SPOCK3: variants seen among roughly 807,000 people sequenced by gnomAD.
The protein encoded by SPOCK3 is SPARC (osteonectin), cwcv and kazal like domains proteoglycan 3, also known as testican-3.
SPOCK3 carries 30 observed loss-of-function variants against 56.6 expected under a neutral mutation model. The observed-to-expected ratio is 0.53, with a 90% CI of 0.40 to 0.72. The LOEUF (loss-of-function observed/expected upper bound fraction) is 0.72, where lower values mean the gene tolerates loss of function less well. Ranked by LOEUF, SPOCK3 falls within the 30% of genes least tolerant of loss-of-function variation. The pLI, the probability that SPOCK3 is intolerant of heterozygous loss-of-function variation, is 0.00. For missense variants in SPOCK3, 527 were observed against 530.0 expected (o/e 0.99, Z 0.06); for synonymous variants, 196 against 183.3 (o/e 1.07, Z -0.56).
At chr4:167,063,801 C>T (rs1051140873) in intron 2 of SPOCK3, among the ~76,000 whole-genome samples, 5 of 151,940 alleles carry the variant, frequency 3.3e-5, no homozygotes, top group Middle Eastern at 3.4e-3. Flanking sequence ...TGAGTTGTTT[C>T]ACTTAAAATA....
intron 2 of SPOCK3, among the ~76,000 whole-genome samples, chr4:167,231,153 C>T: frequency 6.6e-6 from 1 of 151,846 alleles, no homozygotes; most frequent in South Asian, 2.1e-4. Context: ...TAAAGAGTAA[C>T]ATTTATTTTT....
chr4:167,172,147 C>T (rs1402519285), intron 2 of SPOCK3, among the ~76,000 whole-genome samples: 1 of 152,168 alleles, frequency 6.6e-6, no homozygotes, highest in Non-Finnish European at 1.5e-5. Flanking sequence ...AGACAGGCAC[C>T]AAGAGACTGA....
chr4:167,173,420 A>G (rs1730680493), intron 2 of SPOCK3, among the ~76,000 whole-genome samples: 1 of 151,958 alleles, frequency 6.6e-6, no homozygotes, highest in South Asian at 2.1e-4. Flanking sequence ...ATTTCCAACT[A>G]CTTGGTAAAT....
At chr4:166,804,238 C>G (rs116873751) in intron 6 of SPOCK3, among the ~76,000 whole-genome samples, 1 of 152,126 alleles carries the variant, frequency 6.6e-6, no homozygotes, top group South Asian at 2.1e-4. Flanking sequence ...AATGTATCTT[C>G]TTACAGTCCT....
chr4:166,805,235 G>A (rs188496589), intron 6 of SPOCK3, among the ~76,000 whole-genome samples: 123 of 152,018 alleles, frequency 8.1e-4, no homozygotes, highest in African/African-American at 2.8e-3. Context: ...ATTATTGGAT[G>A]GATGGCTGAA....
At chr4:166,995,851 C>A (rs1382089882) in intron 4 of SPOCK3, among the ~76,000 whole-genome samples, 1 of 152,012 alleles carries the variant, frequency 6.6e-6, no homozygotes, top group African/African-American at 2.4e-5. Flanking sequence ...GTATAAGAAG[C>A]ATTATTTTTA....
intron 2 of SPOCK3, among the ~76,000 whole-genome samples, chr4:167,092,863 C>CA (rs11414049): frequency 0.062 from 9,497 of 152,166 alleles, 470 homozygotes; most frequent in African/African-American, 0.14. Flanking sequence ...TTCCCTGATG[C>CA]AAAATGTGTT....
chr4:166,995,957 A>G (rs1412826391), intron 4 of SPOCK3, among the ~76,000 whole-genome samples: 1 of 152,128 alleles, frequency 6.6e-6, no homozygotes, highest in Non-Finnish European at 1.5e-5. Flanking sequence ...TCAATATTTC[A>G]ACAAAGGAAA....
rs551168041 is a variant in SPOCK3, at chr4:166,914,329, A to G, written c.351-1586T>C. On this transcript the variant is annotated intron_variant, in intron 4 of 10. Coordinates refer to ENST00000357545, the MANE Select transcript of SPOCK3 (RefSeq NM_001040159.2). The stretch of plus-strand genomic sequence containing the variant: ...CTTCATCTCATTCTCCTTTCCTAAC[A>G]CATATAATTTAAAAAACCCTAATGA... Among the ~76,000 whole-genome samples the G allele has an allele frequency of 3.3e-5, 5 of 152,232 alleles. No homozygotes were observed. In the Middle Eastern group the frequency reaches 0.014, roughly 414 times the overall value.
At chr4:167,042,980 A>C (rs1371889802) in intron 3 of SPOCK3, among the ~76,000 whole-genome samples, 1 of 152,082 alleles carries the variant, frequency 6.6e-6, no homozygotes, top group African/African-American at 2.4e-5. Context: ...GGTGAGGCAC[A>C]CACCACTGGT....
chr4:166,813,071 TCA>T (rs1744005639), intron 6 of SPOCK3, among the ~76,000 whole-genome samples: 1 of 152,108 alleles, frequency 6.6e-6, no homozygotes, highest in Non-Finnish European at 1.5e-5. Context: ...CTGCTTATTC[TCA>T]CTGTTTCAGA....
intron 2 of SPOCK3, among the ~76,000 whole-genome samples, chr4:167,121,176 T>A (rs956865003): frequency 6.6e-6 from 1 of 150,920 alleles, no homozygotes; most frequent in Non-Finnish European, 1.5e-5. Context: ...TAATATATAA[T>A]TTATATAAAT....
At chr4:167,218,587 G>T (rs1735591600) in intron 2 of SPOCK3, among the ~76,000 whole-genome samples, 1 of 151,938 alleles carries the variant, frequency 6.6e-6, no homozygotes, top group South Asian at 2.1e-4. Flanking sequence ...TTCAAAACTT[G>T]GTTCATGGTA....
At chr4:167,126,719 T>C (rs577183632) in intron 2 of SPOCK3, among the ~76,000 whole-genome samples, 1 of 152,186 alleles carries the variant, frequency 6.6e-6, no homozygotes, top group African/African-American at 2.4e-5. Context: ...ATCCTTACAA[T>C]CAAGTCCTAA....
chr4:166,965,551 A>G (rs940779471), intron 4 of SPOCK3, among the ~76,000 whole-genome samples: 8 of 151,870 alleles, frequency 5.3e-5, no homozygotes, highest in African/African-American at 1.7e-4. Flanking sequence ...CTTAGTCATT[A>G]TTGATATCAT....
intron 4 of SPOCK3, among the ~76,000 whole-genome samples, chr4:166,946,660 C>T (rs1054311115): frequency 6.6e-6 from 1 of 152,132 alleles, no homozygotes; most frequent in African/African-American, 2.4e-5. Flanking sequence ...TTTGGCATGT[C>T]GGATCCCTCT....
chr4:167,047,421 T>A (rs921269533), intron 3 of SPOCK3, among the ~76,000 whole-genome samples: 3 of 152,322 alleles, frequency 2.0e-5, no homozygotes, highest in Non-Finnish European at 4.4e-5. Context: ...TGATAACTAG[T>A]CGTAAACTTT....
At chr4:166,774,437 A>AT (rs1739300760) in intron 7 of SPOCK3, among the ~76,000 whole-genome samples, 1 of 151,916 alleles carries the variant, frequency 6.6e-6, no homozygotes, top group Non-Finnish European at 1.5e-5. Context: ...CATATGTGAT[A>AT]TTTTTCTCTG....
At chr4:167,080,564 G>T (rs1580228552) in intron 2 of SPOCK3, among the ~76,000 whole-genome samples, 3 of 151,996 alleles carry the variant, frequency 2.0e-5, no homozygotes, top group Non-Finnish European at 4.4e-5. Context: ...AGCTCTAGGA[G>T]TGACGTCTAA....
Sources: gnomAD v4.1 joint callset for allele counts (sites outside exome capture counted in the v4.1 genomes callset) on GRCh38, gnomAD v4.1.1 for gene constraint, MANE v1.5 for transcripts, NCBI Gene and HGNC (gene_info 2026-07-23, HGNC 2026-07-21) for gene names.